The following ROBO1 variants were observed in gnomAD, a reference collection of about 807,000 sequenced individuals.
ROBO1 encodes roundabout guidance receptor 1.
ROBO1 carries 149 observed loss-of-function variants against 195.9 expected under a neutral mutation model. That is an observed-to-expected ratio of 0.76 (90% confidence interval 0.67 to 0.87). The LOEUF (loss-of-function observed/expected upper bound fraction) is 0.87. Among genes scored for constraint, ROBO1 ranks in the 40% least tolerant of loss-of-function variants. The pLI is 0.00. For missense variants in ROBO1, 1,933 were observed against 2,068.3 expected (o/e 0.93, Z 1.27); for synonymous variants, 816 against 733.2 (o/e 1.11, Z -1.82).
chr3:79,141,505 G>A (rs1034523525), intron 2 of ROBO1, among the ~76,000 whole-genome samples: 3 of 151,576 alleles, frequency 2.0e-5, no homozygotes, highest in Admixed American at 6.6e-5. Context: ...GCTTACCCCC[G>A]ATTCATTCAT....
intron 2 of ROBO1, among the ~76,000 whole-genome samples, chr3:79,169,459 C>G (rs1453456008): frequency 1.3e-5 from 2 of 152,122 alleles, no homozygotes; most frequent in Non-Finnish European, 2.9e-5. Context: ...AATGCACACA[C>G]ACACACACGT....
chr3:78,723,869 T>G (rs868328343), intron 5 of ROBO1, among the ~76,000 whole-genome samples: 9 of 152,284 alleles, frequency 5.9e-5, no homozygotes, highest in African/African-American at 2.2e-4. Context: ...CAAATAATAT[T>G]TATTGTAGTT....
At chr3:79,713,378 T>C (rs12494753) in intron 1 of ROBO1, among the ~76,000 whole-genome samples, 43,010 of 151,788 alleles carry the variant, frequency 0.28, 7,638 homozygotes, top group East Asian at 0.57. Context: ...TCTGGAAAAA[T>C]TCACAATTTA....
At chr3:78,621,589 G>A (rs545821291) in intron 26 of ROBO1, among the ~76,000 whole-genome samples, 2 of 152,210 alleles carry the variant, frequency 1.3e-5, no homozygotes, top group East Asian at 3.9e-4. Flanking sequence ...TGATAAACAT[G>A]TACAGTTTGA....
chr3:78,683,354 T>A (rs1321972282), intron 10 of ROBO1, among the ~76,000 whole-genome samples: 1 of 152,080 alleles, frequency 6.6e-6, no homozygotes, highest in African/African-American at 2.4e-5. Context: ...AAAATCAAAA[T>A]TAAATATTCA....
chr3:79,766,396 G>A (rs1180675842), intron 1 of ROBO1, among the ~76,000 whole-genome samples: 2 of 151,626 alleles, frequency 1.3e-5, no homozygotes, highest in Non-Finnish European at 2.9e-5. Flanking sequence ...TCCGACTCGA[G>A]GCAGGAGTGG....
At position 79,135,189 on chromosome 3, in the gene ROBO1, CA is replaced by C. The variant is rs113101599; in HGVS notation, c.89-9651del. 9.9e-3 allele frequency among the ~76,000 whole-genome samples: 1,504 copies of C among 152,198 alleles called. 25 individuals are homozygous for C. Among genetic ancestry groups the C allele is most frequent in the African/African-American group, 0.034 (1,425 of 41,522 alleles). On this transcript the variant is annotated intron_variant, in intron 2 of 30. Coordinates refer to ENST00000464233, the MANE Select transcript of ROBO1 (RefSeq NM_002941.4). Reference sequence around the variant, plus strand: ...TTATGTCCTTTGGCCAGCATCTCCCCAAACCCCCACATCTATTAAGTGAAAA... The same window carrying C: ...TTATGTCCTTTGGCCAGCATCTCCCCAACCCCCACATCTATTAAGTGAAAA...
intron 2 of ROBO1, among the ~76,000 whole-genome samples, chr3:79,221,732 A>C (rs2082142581): frequency 6.6e-6 from 1 of 152,128 alleles, no homozygotes; most frequent in Admixed American, 6.6e-5. Flanking sequence ...ATGATTTTTT[A>C]GGCAGCATTT....
intron 1 of ROBO1, among the ~76,000 whole-genome samples, chr3:79,690,305 G>A (rs552299434): frequency 6.6e-6 from 1 of 152,040 alleles, no homozygotes; most frequent in South Asian, 2.1e-4. Context: ...ATCCTAAAAA[G>A]CAAAGAACCT....
chr3:78,713,871 T>C (rs1216965594), intron 8 of ROBO1, among the ~76,000 whole-genome samples: 3 of 152,252 alleles, frequency 2.0e-5, no homozygotes, highest in African/African-American at 4.8e-5. Flanking sequence ...GTGTTTGTTA[T>C]GATGCAGGCA....
intron 1 of ROBO1, among the ~76,000 whole-genome samples, chr3:79,634,843 T>A (rs1206714545): frequency 6.6e-6 from 1 of 152,178 alleles, no homozygotes; most frequent in Non-Finnish European, 1.5e-5. Context: ...TTTAACCATG[T>A]TTTGTCTTCT....
At chr3:79,479,727 T>C (rs952639373) in intron 2 of ROBO1, among the ~76,000 whole-genome samples, 1 of 152,350 alleles carries the variant, frequency 6.6e-6, no homozygotes, top group Admixed American at 6.5e-5. Context: ...CCTATTACTT[T>C]AGTTAACAGG....
intron 4 of ROBO1, among the ~76,000 whole-genome samples, chr3:78,766,120 C>T (rs763186546): frequency 4.6e-5 from 7 of 152,070 alleles, no homozygotes; most frequent in Non-Finnish European, 8.8e-5. Context: ...ATTAAAATGC[C>T]GGCCTGAATA....
intron 2 of ROBO1, among the ~76,000 whole-genome samples, chr3:79,333,066 G>A (rs1018714002): frequency 6.6e-6 from 1 of 152,010 alleles, no homozygotes; most frequent in Non-Finnish European, 1.5e-5. Context: ...AGCCAGGGGG[G>A]GTAGCATGCG....
chr3:78,741,928 A>G (rs1443180934), intron 5 of ROBO1, among the ~76,000 whole-genome samples: 1 of 152,166 alleles, frequency 6.6e-6, no homozygotes, highest in Non-Finnish European at 1.5e-5. Context: ...CTCTCCTATC[A>G]TGTAAGAGAA....
At chr3:79,526,212 T>C (rs934165087) in intron 2 of ROBO1, among the ~76,000 whole-genome samples, 2 of 152,190 alleles carry the variant, frequency 1.3e-5, no homozygotes, top group Admixed American at 1.3e-4. Context: ...TTATGAAATG[T>C]TTAAAGTTAA....
Position 79,649,603 on chromosome 3 carries a change from C to T in ROBO1, c.-50-59642G>A, listed in dbSNP as rs72892195. 6.6e-3 allele frequency among the ~76,000 whole-genome samples: 1,000 copies of T among 152,108 alleles called. 9 individuals carry two copies. The highest frequency in any genetic ancestry group is 0.023 in the African/African-American group (941 of 41,502). ...AATATTTGTCAGAAATGATGTGATT[C>T]ATTTGAATTAATGTGATATCTAATT... On this transcript the variant is annotated intron_variant, in intron 1 of 30. Coordinates refer to ENST00000464233, the MANE Select transcript of ROBO1 (RefSeq NM_002941.4).
chr3:78,698,649 A>G lies in ROBO1; in HGVS notation c.1046-9877T>C, dbSNP rs370624815. 1.1e-4 allele frequency among the ~76,000 whole-genome samples: 17 copies of G among 152,278 alleles called. No homozygotes were observed. The South Asian group carries it at 1.2e-3, about 11-fold the overall frequency. ...ACTGACAAACATCCTACAAAGCCCA[A>G]GACAACGTCCCAAAGCAAAGAATGA... is the stretch of plus-strand genomic sequence containing the variant. On this transcript the variant is annotated intron_variant, in intron 8 of 30. Transcript: ENST00000464233.
chr3:79,766,974 C>T (rs1011185623), intron 1 of ROBO1, among the ~76,000 whole-genome samples: 1 of 152,018 alleles, frequency 6.6e-6, no homozygotes, highest in Non-Finnish European at 1.5e-5. Flanking sequence ...TTCCTCCTTC[C>T]CTCCCTCATT....
Sources: gnomAD v4.1 joint callset for allele counts (sites outside exome capture counted in the v4.1 genomes callset) on GRCh38, gnomAD v4.1.1 for gene constraint, MANE v1.5 for transcripts, NCBI Gene and HGNC (gene_info 2026-07-23, HGNC 2026-07-21) for gene names.